Variants in ARAP2 observed in about 807,000 individuals in gnomAD.
ARAP2 encodes the protein arf-GAP with Rho-GAP domain, ANK repeat and PH domain-containing protein 2.
ARAP2 carries 148 observed loss-of-function variants against 194.5 expected under a neutral mutation model. The ratio of observed to expected loss-of-function variants is 0.76; its 90% confidence interval spans 0.67 to 0.87. ARAP2 has a LOEUF of 0.87. Among genes scored for constraint, ARAP2 ranks in the 40% least tolerant of loss-of-function variants. ARAP2 has a pLI of 0.00. For missense variants in ARAP2, 2,128 were observed against 1,989.7 expected, an observed-to-expected ratio of 1.07 and a Z score of -1.32; for synonymous variants, 695 against 683.5, an observed-to-expected ratio of 1.02 and a Z score of -0.26.
intron 19 of ARAP2, among the ~76,000 whole-genome samples, chr4:36,142,801 C>G (rs1728660518): frequency 6.6e-6 from 1 of 151,652 alleles, no homozygotes. Flanking sequence ...CTTTTTATTT[C>G]CACAGAATCA....
chr4:36,161,493 G>C lies in ARAP2; in HGVS notation c.2231C>G (p.Ala744Gly). ...GATGAGTTCATTGCTCCAAATGCTA[G>C]CATCCATTTTTAGACTTCTAACCTT... ...DSKVRSLKMD[A>G]SIWSNELIEL... Residue 744 changes from alanine (A) to glycine (G), a missense_variant, in exon 12 of 33, where the codon GCT becomes GGT. Ala to Gly is a moderately conservative substitution (Grantham distance 60). Transcript: ENST00000303965. 1 of 1,613,924 alleles carries C rather than the reference G, an allele frequency of 6.2e-7. No homozygotes were observed. The highest frequency in any genetic ancestry group is 1.1e-5 in the South Asian group (1 of 91,066).
chr4:36,017,564 T>TAAAAAAAAAAAAAAAA lies in ARAP2; in HGVS notation n.750+1564_750+1579dup, dbSNP rs71199694. Among the ~76,000 whole-genome samples the TAAAAAAAAAAAAAAAA allele has an allele frequency of 7.0e-4, 30 of 42,568 alleles. 7 individuals are homozygous for TAAAAAAAAAAAAAAAA. The highest frequency in any genetic ancestry group is 8.1e-4 in the African/African-American group (7 of 8,640). 27.9% of individuals were successfully genotyped at this position (42,568 alleles called of 152,430 possible). ...TTTAAGCAAAGACCTAAGAAAGTGG[T>TAAAAAAAAAAAAAAAA]AAAAAAAAAAAAAAAAAAAAAAAGC... On this transcript the variant is annotated intron_variant and non_coding_transcript_variant, in intron 6 of 12. Coordinates refer to the ARAP2 transcript ENST00000503225.
chr4:36,068,481 G>T (rs921671966), intron 32 of ARAP2, among the ~76,000 whole-genome samples: 1 of 152,172 alleles, frequency 6.6e-6, no homozygotes, highest in African/African-American at 2.4e-5. Context: ...GACAGTCCCT[G>T]GCTTACAATG....
intron 9 of ARAP2, among the ~76,000 whole-genome samples, chr4:36,168,793 C>T (rs950453566): frequency 9.2e-5 from 14 of 152,038 alleles, no homozygotes; most frequent in Admixed American, 3.9e-4. Context: ...ATGCTGAGTG[C>T]TGTAAAATAA....
intron 15 of ARAP2, among the ~76,000 whole-genome samples, chr4:36,155,401 G>T (rs1732015608): frequency 6.6e-6 from 1 of 152,124 alleles, no homozygotes. Context: ...CTAACTAGGG[G>T]GCACTGAATT....
At chr4:36,044,754 A>G (rs73123429) in intron 5 of ARAP2, among the ~76,000 whole-genome samples, 3,392 of 152,238 alleles carry the variant, frequency 0.022, 142 homozygotes, top group African/African-American at 0.077. Context: ...AACAGGATGA[A>G]GAGACAATCT....
chr4:36,152,325 G>T (rs1731184707), intron 15 of ARAP2, among the ~76,000 whole-genome samples: 3 of 152,112 alleles, frequency 2.0e-5, no homozygotes. Flanking sequence ...GTCCTGCACA[G>T]TTAGATAAAA....
At chr4:36,114,362 C>T (rs918146593) in intron 25 of ARAP2, 75 bp from the exon 26 acceptor site, 4 of 848,622 alleles carry the variant, frequency 4.7e-6, no homozygotes, top group African/African-American at 1.8e-5. Flanking sequence ...AATAATATTC[C>T]CCATCCACCA....
At chr4:36,173,447 T>C (rs957926873) in intron 9 of ARAP2, among the ~76,000 whole-genome samples, 3 of 152,116 alleles carry the variant, frequency 2.0e-5, no homozygotes, top group Non-Finnish European at 4.4e-5. Flanking sequence ...GGAAGCTCTA[T>C]CAGCTTTGAA....
rs576348594 is a variant in ARAP2, at chr4:36,101,089, A to G, written c.4285+6476T>C. ...GCATTTACATTGCATTAGGTATTAT[A>G]AATAAACAGATGATTGAAAGTATGG... On this transcript the variant is annotated intron_variant, in intron 27 of 32. Transcript: ENST00000303965. 4.6e-5 allele frequency among the ~76,000 whole-genome samples: 7 copies of G among 152,206 alleles called. No individual in the cohort carries two copies. The East Asian group carries it at 1.4e-3, about 30-fold the overall frequency.
In ARAP2 at chr4:36,229,343, T is replaced by G; in HGVS notation, c.144A>C (p.Lys48Asn). ...GGTGACCTGTAGGTGATATTCCAATTTTCTGCAGCAGGCTGTCATTTATTG... is the reference window on the plus strand; with the variant it reads ...GGTGACCTGTAGGTGATATTCCAATGTTCTGCAGCAGGCTGTCATTTATTG... ...CAAINDSLLQ[K>N]IGISPTGHRR... is the part of the protein sequence containing the mutation. Residue 48 changes from lysine to asparagine, a missense_variant, in exon 2 of 33, where the codon AAA becomes AAC. Physicochemically the swap from Lys to Asn is moderately conservative, Grantham distance 94. Transcript: ENST00000303965. 6.2e-7 allele frequency: 1 copy of G among 1,614,128 alleles called. No individual in the cohort carries two copies. Among genetic ancestry groups the G allele is most frequent in the Non-Finnish European group, 8.5e-7 (1 of 1,179,990 alleles).
At chr4:36,077,306 C>T (rs1166395588) in intron 31 of ARAP2, among the ~76,000 whole-genome samples, 1 of 152,032 alleles carries the variant, frequency 6.6e-6, no homozygotes, top group African/African-American at 2.4e-5. Flanking sequence ...GTGAGCCCTT[C>T]GTAAATCAGA....
At chr4:36,187,669 T>C (rs1198670605) in intron 7 of ARAP2, 98 bp from the exon 8 acceptor site, 4 of 1,081,306 alleles carry the variant, frequency 3.7e-6, no homozygotes, top group Non-Finnish European at 5.1e-6. Flanking sequence ...CTTCTCTTTA[T>C]AATTTCAATC....
chr4:36,214,825 T>G (rs531186878), intron 2 of ARAP2, among the ~76,000 whole-genome samples: 1 of 152,334 alleles, frequency 6.6e-6, no homozygotes, highest in African/African-American at 2.4e-5. Context: ...GCACATAAAG[T>G]AATTTCAAAA....
At chr4:36,168,596 A>G (rs1327597984) in intron 9 of ARAP2, among the ~76,000 whole-genome samples, 1 of 152,202 alleles carries the variant, frequency 6.6e-6, no homozygotes, top group Admixed American at 6.5e-5. Context: ...TTCCAGACGC[A>G]AATTGTGGGA....
rs934919109 is a variant in ARAP2, at chr4:36,124,903, G to C, written c.3705C>G (p.Val1235=). The C allele has an allele frequency of 1.2e-6, 2 of 1,610,956 alleles. No individual in the cohort carries two copies. The highest frequency in any genetic ancestry group is 2.2e-5 in the East Asian group (1 of 44,734). ...TGATAGCTGCTAGTGTTGCTCGGTT[G>C]ACCCCTGGAAGAGAACGTATAAATG... is the stretch of plus-strand genomic sequence containing the variant. ...YGAFIRSLPG[V]NRATLAAIIE... is the part of the protein sequence containing the mutation. Residue 1235 remains valine (V), a synonymous_variant, in exon 22 of 33, where the codon GTC becomes GTG. Transcript: ENST00000303965.
chr4:36,074,604 T>C (rs6851077), intron 31 of ARAP2, among the ~76,000 whole-genome samples: 16,160 of 152,050 alleles, frequency 0.11, 1,757 homozygotes, highest in African/African-American at 0.28. Flanking sequence ...AAAAAGTATA[T>C]TGATTTTCAA....
At chr4:36,018,447 CAA>C (rs34023851) in intron 6 of ARAP2, among the ~76,000 whole-genome samples, 99,658 of 136,036 alleles carry the variant, frequency 0.73, 36,221 homozygotes, top group Admixed American at 0.83. Flanking sequence ...CTCAATATCT[CAA>C]AAAAAAAAAA....
chr4:36,029,368 G>T (rs1718525180), intron 5 of ARAP2, among the ~76,000 whole-genome samples: 1 of 151,916 alleles, frequency 6.6e-6, no homozygotes, highest in African/African-American at 2.4e-5. Flanking sequence ...ACTGTAAATT[G>T]TAATACTTTT....
Sources: gnomAD v4.1 joint callset for allele counts (sites outside exome capture counted in the v4.1 genomes callset) on GRCh38, gnomAD v4.1.1 for gene constraint, MANE v1.5 for transcripts, NCBI Gene and HGNC (gene_info 2026-07-23, HGNC 2026-07-21) for gene names.